KDM4C: variants seen among roughly 807,000 people sequenced by gnomAD.
The protein encoded by KDM4C is lysine-specific demethylase 4C.
Under a neutral mutation model 129.3 loss-of-function variants are expected in KDM4C, and 81 were observed. The observed-to-expected ratio is 0.63, with a 90% CI of 0.52 to 0.75. The LOEUF (loss-of-function observed/expected upper bound fraction) is 0.75, where lower values mean the gene tolerates loss of function less well. Among genes scored for constraint, KDM4C ranks in the 30% least tolerant of loss-of-function variants. The pLI is 0.00. For synonymous variants in KDM4C, 573 were observed against 456.1 expected, an observed-to-expected ratio of 1.26 and a Z score of -3.26; for missense variants, 1,457 against 1,304.0, an observed-to-expected ratio of 1.12 and a Z score of -1.81.
chr9:7,070,739 A>C (rs747869950), intron 17 of KDM4C, among the ~76,000 whole-genome samples: 1 of 152,184 alleles, frequency 6.6e-6, no homozygotes, highest in African/African-American at 2.4e-5. Flanking sequence ...AAAAAAACCT[A>C]CTGCGAACAT....
chr9:7,074,704 A>G (rs1315356535), intron 17 of KDM4C, among the ~76,000 whole-genome samples: 1 of 152,150 alleles, frequency 6.6e-6, no homozygotes, highest in African/African-American at 2.4e-5. Flanking sequence ...TGCAGTTTTC[A>G]TTACTTGCTA....
intron 18 of KDM4C, 74 bp downstream of exon 18, chr9:7,103,944 C>G: frequency 7.6e-7 from 1 of 1,322,012 alleles, no homozygotes; most frequent in South Asian, 1.3e-5. Context: ...ACCTCCCAGA[C>G]ATAATGTGCT....
intron 6 of KDM4C, among the ~76,000 whole-genome samples, chr9:6,885,124 A>G (rs553599802): frequency 5.9e-5 from 9 of 152,338 alleles, no homozygotes; most frequent in African/African-American, 2.2e-4. Flanking sequence ...ACTGTTATCA[A>G]CATGTAACAC....
At chr9:7,073,056 G>C (rs1833424340) in intron 17 of KDM4C, among the ~76,000 whole-genome samples, 1 of 152,102 alleles carries the variant, frequency 6.6e-6, no homozygotes, top group South Asian at 2.1e-4. Context: ...GAAGTGTTTT[G>C]GGAGATGAGA....
intron 15 of KDM4C, among the ~76,000 whole-genome samples, chr9:7,018,295 A>G (rs984997146): frequency 1.3e-5 from 2 of 152,214 alleles, no homozygotes; most frequent in African/African-American, 2.4e-5. Context: ...CAGCCTTACA[A>G]TCTTATGGGA....
At chr9:6,840,352 C>T (rs1394155150) in intron 4 of KDM4C, among the ~76,000 whole-genome samples, 5 of 152,070 alleles carry the variant, frequency 3.3e-5, no homozygotes, top group African/African-American at 9.6e-5. Flanking sequence ...GGATTACAGG[C>T]ACGAGCCACT....
chr9:6,935,578 C>A (rs188475229), intron 8 of KDM4C, among the ~76,000 whole-genome samples: 1 of 143,382 alleles, frequency 7.0e-6, no homozygotes, highest in African/African-American at 2.5e-5. Flanking sequence ...CCACCACGCC[C>A]GGCTAATTTT....
chr9:6,863,889 A>G (rs754906947), intron 5 of KDM4C, among the ~76,000 whole-genome samples: 1 of 151,706 alleles, frequency 6.6e-6, no homozygotes, highest in Non-Finnish European at 1.5e-5. Context: ...GAACTCACCC[A>G]TTACCGTGAA....
At chr9:7,149,031 A>C (rs1842477003) in intron 19 of KDM4C, among the ~76,000 whole-genome samples, 1 of 152,094 alleles carries the variant, frequency 6.6e-6, no homozygotes, top group Non-Finnish European at 1.5e-5. Flanking sequence ...CCCTCCTAAT[A>C]ACCTGTCTGC....
chr9:7,130,328 A>G (rs1161049950), intron 19 of KDM4C, among the ~76,000 whole-genome samples: 5 of 152,224 alleles, frequency 3.3e-5, no homozygotes, highest in Non-Finnish European at 5.9e-5. Flanking sequence ...ATAAGCCTAT[A>G]CACACCATGC....
chr9:6,913,514 C>T (rs1018342982), intron 8 of KDM4C, among the ~76,000 whole-genome samples: 1 of 152,190 alleles, frequency 6.6e-6, no homozygotes, highest in African/African-American at 2.4e-5. Flanking sequence ...TGCGCTTCTC[C>T]ATTGGGATTT....
intron 17 of KDM4C, among the ~76,000 whole-genome samples, chr9:7,070,416 A>T (rs549125596): frequency 1.3e-5 from 2 of 152,294 alleles, no homozygotes; most frequent in South Asian, 4.1e-4. Flanking sequence ...CCTGATACTC[A>T]ACTCTTGCAA....
At chr9:6,957,855 C>T (rs1233681291) in intron 8 of KDM4C, among the ~76,000 whole-genome samples, 2 of 152,132 alleles carry the variant, frequency 1.3e-5, no homozygotes, top group East Asian at 3.9e-4. Flanking sequence ...CCTCCTGAAC[C>T]TCATGTTCAT....
At chr9:6,786,656 G>A (rs868028117) in intron 1 of KDM4C, among the ~76,000 whole-genome samples, 1 of 152,080 alleles carries the variant, frequency 6.6e-6, no homozygotes, top group Non-Finnish European at 1.5e-5. Flanking sequence ...TCTTGGTTCA[G>A]AAAAATAAAG....
At chr9:7,084,117 CTG>C (rs1351104423) in intron 17 of KDM4C, among the ~76,000 whole-genome samples, 1 of 152,142 alleles carries the variant, frequency 6.6e-6, no homozygotes, top group East Asian at 1.9e-4. Flanking sequence ...TTGCTTCTAA[CTG>C]TGCTGGGGAG....
chr9:7,146,389 C>T (rs1386843065), intron 19 of KDM4C, among the ~76,000 whole-genome samples: 1 of 152,140 alleles, frequency 6.6e-6, no homozygotes, highest in Non-Finnish European at 1.5e-5. Flanking sequence ...TATATCCTTA[C>T]TCTTTTCCCC....
At chr9:7,128,311 A>T in intron 19 of KDM4C, 75 bp downstream of exon 19, 1 of 1,269,046 alleles carries the variant, frequency 7.9e-7, no homozygotes, top group South Asian at 2.2e-5. Flanking sequence ...AGCCCTTCAG[A>T]ATTTTTCTTT....
intron 1 of KDM4C, among the ~76,000 whole-genome samples, chr9:6,725,494 T>C (rs570090731): frequency 6.6e-6 from 1 of 152,232 alleles, no homozygotes; most frequent in African/African-American, 2.4e-5. Context: ...TTATTTTTAT[T>C]TTTATTTTTT....
At chr9:6,739,768 G>C (rs914231202) in intron 1 of KDM4C, among the ~76,000 whole-genome samples, 3 of 151,890 alleles carry the variant, frequency 2.0e-5, no homozygotes, top group Admixed American at 2.0e-4. Context: ...AGACCAAGGA[G>C]GAAGGATTGC....
Sources: gnomAD v4.1 joint callset for allele counts (sites outside exome capture counted in the v4.1 genomes callset) on GRCh38, gnomAD v4.1.1 for gene constraint, MANE v1.5 for transcripts, NCBI Gene and HGNC (gene_info 2026-07-23, HGNC 2026-07-21) for gene names.